The following TRIM44 variants were observed in gnomAD, a reference collection of about 807,000 sequenced individuals.
TRIM44 encodes the protein tripartite motif containing 44, also known as tripartite motif-containing protein 44.
TRIM44 carries 13 observed loss-of-function variants against 37.4 expected under a neutral mutation model. The observed-to-expected ratio is 0.35, with a 90% CI of 0.23 to 0.55. TRIM44 has a LOEUF of 0.55. TRIM44 is among the 20% of genes least tolerant of loss of function. The pLI is 0.89. For missense variants in TRIM44, 426 were observed against 437.2 expected (o/e 0.97, Z 0.23); for synonymous variants, 175 against 157.2 (o/e 1.11, Z -0.85).
chr11:35,776,354 C>T (rs1852961513), intron 4 of TRIM44, among the ~76,000 whole-genome samples: 1 of 152,052 alleles, frequency 6.6e-6, no homozygotes, highest in Admixed American at 6.6e-5. Flanking sequence ...CTGTTTTCTT[C>T]TGTATTAGTC....
chr11:35,738,224 A>G (rs931867496), intron 4 of TRIM44, among the ~76,000 whole-genome samples: 4 of 152,230 alleles, frequency 2.6e-5, no homozygotes, highest in African/African-American at 4.8e-5. Flanking sequence ...CCAGAGTCAC[A>G]TTGATTAGAA....
chr11:35,753,976 C>T (rs1329803216), intron 4 of TRIM44, among the ~76,000 whole-genome samples: 1 of 151,408 alleles, frequency 6.6e-6, no homozygotes, highest in Non-Finnish European at 1.5e-5. Flanking sequence ...CCCAGGAGGC[C>T]AAGGCTGCAG....
At position 35,663,219 on chromosome 11, in the gene TRIM44, C is replaced by T; in HGVS notation, c.108C>T (p.Cys36=). 2 of 1,604,002 alleles carry T rather than the reference C, an allele frequency of 1.2e-6. No individual in the cohort carries two copies. Among genetic ancestry groups the T allele is most frequent in the East Asian group, 2.2e-5 (1 of 44,688 alleles). Residue 36 remains cysteine, a synonymous_variant, in exon 1 of 5, where the codon TGC becomes TGT. Transcript: ENST00000299413. ...GGGCCGAGGAAGTGTGCCGAGAATG[C>T]GGCTTCTGCTACTGCCGCCGCCATG... is the stretch of plus-strand genomic sequence containing the variant. ...APGAEEVCRE[C]GFCYCRRHAE...
intron 4 of TRIM44, among the ~76,000 whole-genome samples, chr11:35,790,981 C>G (rs1853202148): frequency 6.6e-6 from 1 of 152,164 alleles, no homozygotes; most frequent in Non-Finnish European, 1.5e-5. Context: ...AGAAGACATG[C>G]TGGCAGAGAT....
At chr11:35,706,023 A>G (rs887250730) in intron 2 of TRIM44, among the ~76,000 whole-genome samples, 2 of 148,932 alleles carry the variant, frequency 1.3e-5, no homozygotes, top group African/African-American at 4.9e-5. Flanking sequence ...AGCAAGACTA[A>G]TAAAGAAGAA....
At chr11:35,684,128 T>C (rs995633306) in intron 1 of TRIM44, among the ~76,000 whole-genome samples, 15 of 152,320 alleles carry the variant, frequency 9.8e-5, no homozygotes, top group African/African-American at 3.6e-4. Context: ...ACTAGGGCTC[T>C]AGTCTGTGCT....
chr11:35,774,288 C>A (rs1488751511), intron 4 of TRIM44, among the ~76,000 whole-genome samples: 1 of 152,168 alleles, frequency 6.6e-6, no homozygotes, highest in Non-Finnish European at 1.5e-5. Context: ...AAGTGTCTGT[C>A]ATATCCTTCA....
At chr11:35,796,732 A>G (rs960640858) in intron 4 of TRIM44, among the ~76,000 whole-genome samples, 3 of 152,212 alleles carry the variant, frequency 2.0e-5, no homozygotes, top group African/African-American at 4.8e-5. Context: ...GGGAAGGCCA[A>G]TGTAAAGGCA....
intron 4 of TRIM44, among the ~76,000 whole-genome samples, chr11:35,743,846 A>C (rs1366959274): frequency 6.6e-6 from 1 of 152,222 alleles, no homozygotes; most frequent in Non-Finnish European, 1.5e-5. Context: ...CTTGGCGTGA[A>C]CTAGAAAAAG....
At chr11:35,780,194 G>T (rs1853044119) in intron 4 of TRIM44, among the ~76,000 whole-genome samples, 1 of 152,108 alleles carries the variant, frequency 6.6e-6, no homozygotes, top group South Asian at 2.1e-4. Flanking sequence ...GAGACCAGAG[G>T]AAGTACATGT....
chr11:35,674,235 C>CGTGTGTGTGTGTGTGTGTGTGT (rs113167193), intron 1 of TRIM44, among the ~76,000 whole-genome samples: 52 of 149,992 alleles, frequency 3.5e-4, no homozygotes, highest in Middle Eastern at 3.5e-3. Flanking sequence ...AGAGAATTTG[C>CGTGTGTGTGTGTGTGTGTGTGT]GTGTGTGTGT....
Position 35,687,563 on chromosome 11 carries a change from A to G in TRIM44, c.747+2227A>G, listed in dbSNP as rs540691184. ...ACCATATTCTGATTCCGCCAAACTT[A>G]TAATTAGCAGTGCAGTGAAGAGGGA... is the stretch of plus-strand genomic sequence containing the variant. On this transcript the variant is annotated intron_variant, in intron 2 of 4. Coordinates refer to ENST00000299413, the MANE Select transcript of TRIM44 (RefSeq NM_017583.6). 2.4e-4 allele frequency among the ~76,000 whole-genome samples: 36 copies of G among 152,346 alleles called. No homozygotes were observed. In the South Asian group the frequency reaches 7.1e-3, roughly 30 times the overall value.
intron 4 of TRIM44, among the ~76,000 whole-genome samples, chr11:35,792,326 G>C (rs1853226447): frequency 6.6e-6 from 1 of 152,156 alleles, no homozygotes; most frequent in South Asian, 2.1e-4. Flanking sequence ...ACAAATGAAG[G>C]AATGACTCCC....
chr11:35,705,065 A>G (rs1341762512), intron 2 of TRIM44, among the ~76,000 whole-genome samples: 1 of 149,184 alleles, frequency 6.7e-6, no homozygotes, highest in African/African-American at 2.5e-5. Context: ...GGATGGAGGA[A>G]GATCTACCAA....
chr11:35,737,892 G>C (rs1284297404), intron 4 of TRIM44, among the ~76,000 whole-genome samples: 2 of 152,118 alleles, frequency 1.3e-5, no homozygotes, highest in Non-Finnish European at 2.9e-5. Context: ...GTTAGACTAG[G>C]TTATCGATGA....
intron 3 of TRIM44, among the ~76,000 whole-genome samples, chr11:35,726,746 T>C (rs190975981): frequency 1.3e-5 from 2 of 152,204 alleles, no homozygotes; most frequent in Non-Finnish European, 1.5e-5. Context: ...ATACAAATGT[T>C]AGTTGTCATA....
intron 2 of TRIM44, among the ~76,000 whole-genome samples, chr11:35,713,835 T>A (rs1416281083): frequency 6.6e-6 from 1 of 152,126 alleles, no homozygotes; most frequent in Non-Finnish European, 1.5e-5. Flanking sequence ...ACTACGCCCA[T>A]AGACTGACTT....
At chr11:35,726,794 G>A (rs931569554) in intron 3 of TRIM44, among the ~76,000 whole-genome samples, 1 of 151,860 alleles carries the variant, frequency 6.6e-6, no homozygotes, top group Non-Finnish European at 1.5e-5. Context: ...AGGGTCTTAG[G>A]CATTTTACCA....
chr11:35,680,331 C>G (rs1449769647), intron 1 of TRIM44, among the ~76,000 whole-genome samples: 2 of 152,118 alleles, frequency 1.3e-5, no homozygotes, highest in African/African-American at 4.8e-5. Flanking sequence ...ATCCTTCTAT[C>G]CTAAGTACCA....
Sources: gnomAD v4.1 joint callset for allele counts (sites outside exome capture counted in the v4.1 genomes callset) on GRCh38, gnomAD v4.1.1 for gene constraint, MANE v1.5 for transcripts, NCBI Gene and HGNC (gene_info 2026-07-23, HGNC 2026-07-21) for gene names.